CDC42SE2: variants seen among roughly 807,000 people sequenced by gnomAD.
CDC42SE2 encodes CDC42 small effector protein 2.
A neutral mutation model predicts 11.5 loss-of-function variants in CDC42SE2; 3 were observed. The observed-to-expected ratio is 0.26, with a 90% CI of 0.12 to 0.67. The LOEUF is 0.67. Ranked by LOEUF, CDC42SE2 falls within the 30% of genes least tolerant of loss-of-function variation. The pLI is 0.80. For missense variants in CDC42SE2, 82 were observed against 106.8 expected (o/e 0.77, Z 1.02); for synonymous variants, 33 against 34.8 (o/e 0.95, Z 0.18).
intron 1 of CDC42SE2, among the ~76,000 whole-genome samples, chr5:131,301,620 T>A (rs981006746): frequency 2.6e-5 from 4 of 151,846 alleles, no homozygotes; most frequent in African/African-American, 4.8e-5. Flanking sequence ...TAGCCGGGCG[T>A]GGTGGCGCGT....
intron 2 of CDC42SE2, among the ~76,000 whole-genome samples, chr5:131,350,607 T>TTTTG (rs934349930): frequency 7.1e-6 from 1 of 141,694 alleles, no homozygotes; most frequent in African/African-American, 2.7e-5. Context: ...AAAATTTATT[T>TTTTG]TGTGTGTGTG....
At chr5:131,313,965 T>A (rs1207761440) in intron 1 of CDC42SE2, among the ~76,000 whole-genome samples, 1 of 152,136 alleles carries the variant, frequency 6.6e-6, no homozygotes, top group African/African-American at 2.4e-5. Context: ...GTAGCTGGGA[T>A]TACAGGTGTG....
At chr5:131,324,813 A>C (rs577168085) in intron 2 of CDC42SE2, among the ~76,000 whole-genome samples, 1 of 152,280 alleles carries the variant, frequency 6.6e-6, no homozygotes, top group Non-Finnish European at 1.5e-5. Context: ...ATTATATCCA[A>C]AATGTAATTG....
intron 3 of CDC42SE2, among the ~76,000 whole-genome samples, chr5:131,376,457 A>C (rs1750160026): frequency 1.3e-5 from 2 of 152,134 alleles, no homozygotes; most frequent in African/African-American, 4.8e-5. Flanking sequence ...ACTCTTTATT[A>C]CCCACTTTTA....
intron 3 of CDC42SE2, among the ~76,000 whole-genome samples, chr5:131,368,069 C>T (rs576087519): frequency 9.2e-5 from 14 of 151,904 alleles, no homozygotes; most frequent in South Asian, 6.2e-4. Flanking sequence ...CTGGCTAACA[C>T]GGTGAAACCC....
intron 3 of CDC42SE2, among the ~76,000 whole-genome samples, chr5:131,373,341 G>T (rs1350574937): frequency 6.6e-6 from 1 of 152,170 alleles, no homozygotes; most frequent in African/African-American, 2.4e-5. Flanking sequence ...TTAGCTGAGT[G>T]AGCCACTGCC....
At chr5:131,266,694 G>A (rs1756873714) in intron 1 of CDC42SE2, among the ~76,000 whole-genome samples, 1 of 152,054 alleles carries the variant, frequency 6.6e-6, no homozygotes, top group African/African-American at 2.4e-5. Context: ...CTGGTCTCAA[G>A]TGATCTGCCC....
intron 3 of CDC42SE2, among the ~76,000 whole-genome samples, chr5:131,365,920 T>TG (rs1365346105): frequency 2.0e-5 from 3 of 152,180 alleles, no homozygotes; most frequent in Non-Finnish European, 4.4e-5. Flanking sequence ...AAGCGGAGCT[T>TG]GCAGTGAGTG....
At chr5:131,310,673 G>A (rs1201938876) in intron 1 of CDC42SE2, among the ~76,000 whole-genome samples, 2 of 152,060 alleles carry the variant, frequency 1.3e-5, no homozygotes, top group African/African-American at 2.4e-5. Flanking sequence ...AGCTCTTCTT[G>A]TTGAATTGAT....
intron 1 of CDC42SE2, among the ~76,000 whole-genome samples, chr5:131,284,133 A>G (rs1237111030): frequency 3.9e-5 from 6 of 152,338 alleles, no homozygotes; most frequent in African/African-American, 7.2e-5. Flanking sequence ...TTCACTTAGC[A>G]TAATATGTTC....
intron 2 of CDC42SE2, among the ~76,000 whole-genome samples, chr5:131,321,813 G>A (rs551256112): frequency 9.9e-5 from 15 of 152,074 alleles, no homozygotes; most frequent in Non-Finnish European, 1.3e-4. Context: ...ATCTCCAAGG[G>A]TGAGGTCACC....
chr5:131,362,789 A>G (rs1385398539), intron 3 of CDC42SE2, among the ~76,000 whole-genome samples: 4 of 152,116 alleles, frequency 2.6e-5, no homozygotes, highest in Non-Finnish European at 5.9e-5. Flanking sequence ...TGCTGTTGCT[A>G]GATATAGCTA....
chr5:131,380,473 A>G (rs1031431117), intron 3 of CDC42SE2, among the ~76,000 whole-genome samples: 2 of 152,124 alleles, frequency 1.3e-5, no homozygotes, highest in African/African-American at 4.8e-5. Flanking sequence ...CAGTACCCCA[A>G]ACAAGTGTGC....
intron 2 of CDC42SE2, among the ~76,000 whole-genome samples, chr5:131,256,714 C>T (rs1410105037): frequency 6.6e-6 from 1 of 152,226 alleles, no homozygotes; most frequent in Admixed American, 6.5e-5. Flanking sequence ...GCTCCTAGAG[C>T]CTACTTGCAT....
At chr5:131,342,303 C>G (rs1375403604) in intron 2 of CDC42SE2, among the ~76,000 whole-genome samples, 2 of 148,300 alleles carry the variant, frequency 1.3e-5, no homozygotes, top group African/African-American at 2.5e-5. Context: ...AAGGTAAATA[C>G]CAGAAGAAGC....
chr5:131,357,007 G>A lies in CDC42SE2; in HGVS notation c.-285-2202G>A, dbSNP rs139875559. Among the ~76,000 whole-genome samples the A allele has an allele frequency of 1.8e-3, 281 of 152,254 alleles. 1 individual carries two copies. Among genetic ancestry groups the A allele is most frequent in the African/African-American group, 6.3e-3 (261 of 41,530 alleles). ...TATTAAATAGCAGCACTGAAATAATGTTCATGAGACTGTATATTTAAGCCT... is the reference window on the plus strand; with the variant it reads ...TATTAAATAGCAGCACTGAAATAATATTCATGAGACTGTATATTTAAGCCT... On this transcript the variant is annotated intron_variant, in intron 2 of 4. Transcript: ENST00000505065.
Position 131,359,332 on chromosome 5 carries a change from G to C in CDC42SE2, c.-162G>C, listed in dbSNP as rs562703572. The C allele has an allele frequency of 3.0e-6, 2 of 655,946 alleles. No homozygotes were observed. Among genetic ancestry groups the C allele is most frequent in the South Asian group, 1.8e-5 (1 of 54,994 alleles). 40.6% of individuals were successfully genotyped at this position (655,946 alleles called of 1,614,324 possible). A position where few individuals can be genotyped will look rare whatever the true frequency, so the allele number is the denominator to read the frequency against. On this transcript the variant is annotated 5_prime_UTR_variant, in exon 3 of 5. Coordinates refer to ENST00000505065, the MANE Select transcript of CDC42SE2 (RefSeq NM_001375635.1). ...AATCCAAATTTTTCTTTATTAAATC[G>C]ACTGTGTAAGATACTTGACTTCCAG...
In CDC42SE2 at chr5:131,304,945, G is replaced by T. The variant is rs542111598; in HGVS notation, c.-454-11031G>T. ...TAAATTTTGGCATGTGTATATTCCTGTGAAATCATAACCACACTGAAGATA... is the reference window on the plus strand; with the variant it reads ...TAAATTTTGGCATGTGTATATTCCTTTGAAATCATAACCACACTGAAGATA... On this transcript the variant is annotated intron_variant, in intron 1 of 4. Coordinates refer to ENST00000505065, the MANE Select transcript of CDC42SE2 (RefSeq NM_001375635.1). Among the ~76,000 whole-genome samples, 16 of 152,228 alleles carry T rather than the reference G, an allele frequency of 1.1e-4. No individual in the cohort carries two copies. The South Asian group carries it at 3.3e-3, about 32-fold the overall frequency.
In CDC42SE2 at chr5:131,274,816, T is replaced by A. The variant is rs144023391; in HGVS notation, c.-455+10650T>A. On this transcript the variant is annotated intron_variant, in intron 1 of 4. Coordinates refer to ENST00000505065, the MANE Select transcript of CDC42SE2 (RefSeq NM_001375635.1). ...AGTGTTGCTTTAGTGCTAGTAGGAA[T>A]AGAGCTTCGTTTTATTCACTGCAGA... Among the ~76,000 whole-genome samples, 278 of 152,264 alleles carry A rather than the reference T, an allele frequency of 1.8e-3. 2 individuals are homozygous for A. The highest frequency in any genetic ancestry group is 3.1e-3 in the Non-Finnish European group (210 of 68,016).
Sources: allele counts gnomAD v4.1 joint callset (sites outside exome capture counted in the v4.1 genomes callset), GRCh38; gene constraint gnomAD v4.1.1; transcripts MANE v1.5; gene names NCBI Gene and HGNC (gene_info 2026-07-23, HGNC 2026-07-21).